Variants in PKHD1L1 observed in about 807,000 individuals in gnomAD.
PKHD1L1 encodes fibrocystin-L.
A neutral mutation model predicts 462.9 loss-of-function variants in PKHD1L1; 434 were observed. The observed-to-expected ratio is 0.94, with a 90% CI of 0.87 to 1.02. The LOEUF (loss-of-function observed/expected upper bound fraction) is 1.02, where lower values mean the gene tolerates loss of function less well. PKHD1L1 is among the 50% of genes least tolerant of loss of function. The probability of loss-of-function intolerance (pLI) is 0.00; values close to 1 mark genes in which losing one functional copy is unlikely to be tolerated. For synonymous variants in PKHD1L1, 1,781 were observed against 1,750.0 expected (o/e 1.02, Z -0.44); for missense variants, 5,202 against 5,096.1 (o/e 1.02, Z -0.63).
Position 109,515,217 on chromosome 8 carries a change from C to T in PKHD1L1, c.11601C>T (p.Val3867=). 1 of 1,604,322 alleles carries T rather than the reference C, an allele frequency of 6.2e-7. No homozygotes were observed. The highest frequency in any genetic ancestry group is 8.5e-7 in the Non-Finnish European group (1 of 1,174,142). ...TTTCCACACTTCAACGTTTGGATGT[C>T]TATGTGAACAACTTATTGGTCTGTC... ...IFFSTLQRLD[V]YVNNLLVCPK... is the part of the protein sequence containing the mutation. The change falls in exon 72 of 78, where the codon GTC becomes GTT. Residue 3867 remains valine, a synonymous_variant. Coordinates refer to ENST00000378402, the MANE Select transcript of PKHD1L1 (RefSeq NM_177531.6).
intron 29 of PKHD1L1, 133 bp downstream of exon 29, chr8:109,435,487 GA>G: frequency 1.0e-6 from 1 of 967,656 alleles, no homozygotes; most frequent in Non-Finnish European, 1.5e-6. Flanking sequence ...TCTCCTTCGA[GA>G]AGGTACAGTG....
chr8:109,382,380 T>TC, intron 3 of PKHD1L1, 83 bp from the exon 4 acceptor site: 1 of 1,113,148 alleles, frequency 9.0e-7, no homozygotes, highest in Non-Finnish European at 1.2e-6. Context: ...TAGCCTGCAG[T>TC]CTGGGGCAGT....
At position 109,421,809 on chromosome 8, in the gene PKHD1L1, T is replaced by G. The variant is rs569402953; in HGVS notation, c.2697+1119T>G. Among the ~76,000 whole-genome samples, 44 of 152,188 alleles carry G rather than the reference T, an allele frequency of 2.9e-4. No individual in the cohort carries two copies. In the South Asian group the frequency reaches 9.1e-3, roughly 32 times the overall value. On this transcript the variant is annotated intron_variant, in intron 23 of 77. Transcript: ENST00000378402. ...AAAAAAAAGAAAATATAATAACTAA[T>G]TCAAGGCTCTGTATTCTCAAAGCAT...
At chr8:109,441,487 T>G (rs1815792224) in intron 34 of PKHD1L1, 108 bp downstream of exon 34, 4 of 745,042 alleles carry the variant, frequency 5.4e-6, no homozygotes, top group Non-Finnish European at 8.5e-6. Flanking sequence ...AGTATTGTTA[T>G]TTCTTTTATA....
chr8:109,444,825 T>C lies in PKHD1L1; in HGVS notation c.4956T>C (p.Asp1652=), dbSNP rs1320694649. 1.9e-6 allele frequency: 3 copies of C among 1,614,020 alleles called. No individual in the cohort carries two copies. The highest frequency in any genetic ancestry group is 2.2e-5 in the South Asian group (2 of 91,082). The change falls in exon 38 of 78, where the codon GAT becomes GAC. Residue 1652 remains aspartate (D), a synonymous_variant. Transcript: ENST00000378402. The stretch of plus-strand genomic sequence containing the variant: ...TCAATACGTTGTCCAATGAATTTGA[T>C]AGGCGATTTGTACTTTTGCCAAACA... ...TAINTLSNEF[D]RRFVLLPNID...
intron 2 of PKHD1L1, among the ~76,000 whole-genome samples, chr8:109,365,384 TTTTGTTA>T (rs1182024995): frequency 2.0e-5 from 3 of 152,186 alleles, no homozygotes; most frequent in Non-Finnish European, 4.4e-5. Flanking sequence ...TATTTAATTA[TTTTGTTA>T]TATAATGTAA....
intron 50 of PKHD1L1, among the ~76,000 whole-genome samples, chr8:109,472,914 C>T (rs1673390): frequency 0.56 from 84,377 of 151,598 alleles, 23,662 homozygotes; most frequent in South Asian, 0.69. Flanking sequence ...ATTTTACACA[C>T]GTCCATATAT....
At chr8:109,409,795 C>G in intron 18 of PKHD1L1, 70 bp from the exon 19 acceptor site, 1 of 685,074 alleles carries the variant, frequency 1.5e-6, no homozygotes, top group Non-Finnish European at 2.3e-6. Context: ...TTAGTAGAAT[C>G]AGTAGTAGGA....
At chr8:109,460,090 A>G (rs2130815289) in intron 47 of PKHD1L1, among the ~76,000 whole-genome samples, 1 of 152,232 alleles carries the variant, frequency 6.6e-6, no homozygotes, top group South Asian at 2.1e-4. Flanking sequence ...GTTAATGCTG[A>G]CACTATAATG....
intron 47 of PKHD1L1, among the ~76,000 whole-genome samples, chr8:109,460,209 G>A (rs1296378471): frequency 2.0e-5 from 3 of 152,166 alleles, no homozygotes; most frequent in Non-Finnish European, 4.4e-5. Context: ...TTGTCAGCAA[G>A]AAACTGCATT....
At chr8:109,523,731 C>T (rs1345710377) in intron 76 of PKHD1L1, among the ~76,000 whole-genome samples, 1 of 152,114 alleles carries the variant, frequency 6.6e-6, no homozygotes, top group African/African-American at 2.4e-5. Context: ...AAGGTAGGCT[C>T]ATATAACTTT....
chr8:109,426,573 G>C (rs1814760987), intron 24 of PKHD1L1, among the ~76,000 whole-genome samples: 1 of 152,078 alleles, frequency 6.6e-6, no homozygotes, highest in Non-Finnish European at 1.5e-5. Flanking sequence ...ATTGGAGGGG[G>C]ACATAGAGTT....
intron 2 of PKHD1L1, among the ~76,000 whole-genome samples, chr8:109,365,761 G>C (rs1469542561): frequency 6.6e-6 from 1 of 152,186 alleles, no homozygotes; most frequent in Non-Finnish European, 1.5e-5. Context: ...GGATCACGAG[G>C]TCAGGAGATG....
rs1217823505 is a variant in PKHD1L1 at position 109,362,526 on chromosome 8, A to G, written c.-55A>G. 25 of 1,507,464 alleles carry G rather than the reference A, an allele frequency of 1.7e-5. No homozygotes were observed. The highest frequency in any genetic ancestry group is 2.0e-5 in the Non-Finnish European group (22 of 1,105,814). 93.4% of individuals were successfully genotyped at this position (1,507,464 alleles called of 1,614,324 possible). On this transcript the variant is annotated 5_prime_UTR_variant, in exon 1 of 78. Transcript: ENST00000378402. ...GTCGCAGTCCCAGGAGCCGAGCTCC[A>G]GCACTAGAGCCAGCTGCGAGCGGAG... is the stretch of plus-strand genomic sequence containing the variant.
chr8:109,437,809 A>G (rs1249749957), intron 30 of PKHD1L1, among the ~76,000 whole-genome samples: 1 of 152,124 alleles, frequency 6.6e-6, no homozygotes, highest in Non-Finnish European at 1.5e-5. Flanking sequence ...TAGATGTGAA[A>G]AAATGTTTTT....
intron 73 of PKHD1L1, among the ~76,000 whole-genome samples, chr8:109,519,130 G>T (rs1464572825): frequency 6.6e-6 from 1 of 152,148 alleles, no homozygotes; most frequent in Non-Finnish European, 1.5e-5. Flanking sequence ...AAAAAGGGCA[G>T]ATGTGCAAGT....
At chr8:109,452,558 A>T (rs991734612) in intron 42 of PKHD1L1, among the ~76,000 whole-genome samples, 160 bp from the exon 43 acceptor site, 1 of 150,594 alleles carries the variant, frequency 6.6e-6, no homozygotes, top group African/African-American at 2.4e-5. Context: ...GACACATTTT[A>T]AGTAGGTTAG....
intron 26 of PKHD1L1, 72 bp downstream of exon 26, chr8:109,429,534 A>C (rs1814970505): frequency 1.4e-6 from 2 of 1,394,968 alleles, no homozygotes; most frequent in African/African-American, 2.9e-5. Context: ...TATGTTAAAG[A>C]CCTGGTGAAA....
At chr8:109,501,741 T>C (rs1355620079) in intron 67 of PKHD1L1, among the ~76,000 whole-genome samples, 1 of 152,224 alleles carries the variant, frequency 6.6e-6, no homozygotes, top group Non-Finnish European at 1.5e-5. Context: ...CTGGGGTGTC[T>C]GAGGACAGAG....
Sources: gnomAD v4.1 joint callset for allele counts (sites outside exome capture counted in the v4.1 genomes callset) on GRCh38, gnomAD v4.1.1 for gene constraint, MANE v1.5 for transcripts, NCBI Gene and HGNC (gene_info 2026-07-23, HGNC 2026-07-21) for gene names.